Variants in CSMD3 observed in about 807,000 individuals in gnomAD.
CSMD3 encodes the protein CUB and sushi domain-containing protein 3.
CSMD3 carries 177 observed loss-of-function variants against 435.2 expected under a neutral mutation model. The observed-to-expected ratio is 0.41, with a 90% CI of 0.36 to 0.46. The LOEUF (loss-of-function observed/expected upper bound fraction) is 0.46. Among genes scored for constraint, CSMD3 ranks in the 20% least tolerant of loss-of-function variants. The pLI, the probability that CSMD3 is intolerant of heterozygous loss-of-function variation, is 0.34. For missense variants in CSMD3, 4,265 were observed against 4,504.6 expected (o/e 0.95, Z 1.52); for synonymous variants, 1,656 against 1,520.5 (o/e 1.09, Z -2.07).
At chr8:112,402,199 A>G (rs530780841) in intron 35 of CSMD3, among the ~76,000 whole-genome samples, 1 of 152,150 alleles carries the variant, frequency 6.6e-6, no homozygotes, top group Admixed American at 6.5e-5. Flanking sequence ...AGATTATGTA[A>G]ATTTTCCAGG....
At chr8:113,224,755 A>C (rs1159523169) in intron 3 of CSMD3, among the ~76,000 whole-genome samples, 2 of 151,070 alleles carry the variant, frequency 1.3e-5, no homozygotes, top group Non-Finnish European at 3.0e-5. Flanking sequence ...GAGGCAATAG[A>C]TGTGTCTTGT....
intron 1 of CSMD3, among the ~76,000 whole-genome samples, chr8:113,318,539 C>T (rs866657959): frequency 6.6e-6 from 1 of 152,090 alleles, no homozygotes; most frequent in African/African-American, 2.4e-5. Context: ...GTTCATCCTA[C>T]ATACCTGCTA....
At chr8:113,207,606 C>T (rs2132059956) in intron 3 of CSMD3, among the ~76,000 whole-genome samples, 1 of 152,182 alleles carries the variant, frequency 6.6e-6, no homozygotes. Context: ...TGGTCTCAAA[C>T]TCCTGACCTC....
chr8:113,325,474 G>A (rs1188418207), intron 1 of CSMD3, among the ~76,000 whole-genome samples: 1 of 152,004 alleles, frequency 6.6e-6, no homozygotes, highest in Non-Finnish European at 1.5e-5. Context: ...TCTCCTCCTT[G>A]CCTTCCACCA....
chr8:113,414,922 T>C (rs1259107845), intron 1 of CSMD3, among the ~76,000 whole-genome samples: 1 of 152,066 alleles, frequency 6.6e-6, no homozygotes, highest in African/African-American at 2.4e-5. Flanking sequence ...GCTGAGATTG[T>C]GCCACTGCGC....
intron 2 of CSMD3, among the ~76,000 whole-genome samples, chr8:113,302,201 T>C (rs938337055): frequency 1.4e-5 from 2 of 143,828 alleles, no homozygotes; most frequent in Admixed American, 7.5e-5. Flanking sequence ...TTTGAGATTT[T>C]ATTTTCTCAC....
chr8:113,082,350 C>G (rs1294458798), intron 5 of CSMD3, among the ~76,000 whole-genome samples: 1 of 152,160 alleles, frequency 6.6e-6, no homozygotes, highest in Non-Finnish European at 1.5e-5. Flanking sequence ...TGCATTCTAA[C>G]CTACTCAGGA....
chr8:112,743,565 T>A (rs1363193773), intron 13 of CSMD3, among the ~76,000 whole-genome samples: 1 of 151,868 alleles, frequency 6.6e-6, no homozygotes, highest in Non-Finnish European at 1.5e-5. Flanking sequence ...ATACAAAAAC[T>A]TAAAAAAATC....
At chr8:112,936,477 A>C (rs1158834665) in intron 9 of CSMD3, among the ~76,000 whole-genome samples, 1 of 152,126 alleles carries the variant, frequency 6.6e-6, no homozygotes, top group Non-Finnish European at 1.5e-5. Context: ...AAACAGACTA[A>C]TAATTCAAAT....
chr8:112,866,251 C>T (rs141635138), intron 10 of CSMD3, among the ~76,000 whole-genome samples: 2 of 152,184 alleles, frequency 1.3e-5, no homozygotes, highest in African/African-American at 4.8e-5. Context: ...CTTCATATTT[C>T]CACTTGAGCA....
intron 32 of CSMD3, among the ~76,000 whole-genome samples, chr8:112,414,979 A>G (rs546729768): frequency 3.9e-5 from 6 of 152,304 alleles, no homozygotes; most frequent in South Asian, 2.1e-4. Context: ...CAGAGCATAA[A>G]AGTTTGGAGA....
rs1442316248 is a variant in CSMD3, at chr8:113,436,755, G to A, written c.100C>T (p.Leu34=). The A allele has an allele frequency of 6.2e-7, 1 of 1,613,752 alleles. No individual in the cohort carries two copies. The highest frequency in any genetic ancestry group is 8.5e-7 in the Non-Finnish European group (1 of 1,179,770). ...CAKCGRLDFI[L]MKKMGIKSGF... is the part of the protein sequence containing the mutation. Reference sequence around the variant, plus strand: ...CTTTTAATCCCCATTTTCTTCATCAGGATGAAGTCTAGGCGGCCACATTTA... The same window carrying A: ...CTTTTAATCCCCATTTTCTTCATCAAGATGAAGTCTAGGCGGCCACATTTA... The change falls in exon 1 of 71, where the codon CTG becomes TTG. Residue 34 remains leucine, a synonymous_variant. Coordinates refer to ENST00000297405, the MANE Select transcript of CSMD3 (RefSeq NM_198123.2).
intron 7 of CSMD3, among the ~76,000 whole-genome samples, chr8:112,970,640 T>A (rs2130907734): frequency 6.6e-6 from 1 of 152,052 alleles, no homozygotes; most frequent in Non-Finnish European, 1.5e-5. Context: ...TCAGCCTAAA[T>A]ACCCACTCAA....
chr8:112,909,599 T>G (rs991107882), intron 10 of CSMD3, among the ~76,000 whole-genome samples: 9 of 151,848 alleles, frequency 5.9e-5, no homozygotes, highest in Non-Finnish European at 1.2e-4. Context: ...GTTATTTAAT[T>G]TTCTTCTCAA....
chr8:112,838,365 G>T (rs58884407), intron 11 of CSMD3, among the ~76,000 whole-genome samples: 1,999 of 151,742 alleles, frequency 0.013, 46 homozygotes, highest in African/African-American at 0.046. Flanking sequence ...AGCATATTAC[G>T]ATTTTGAACA....
At chr8:113,067,799 G>A (rs2088926618) in intron 5 of CSMD3, among the ~76,000 whole-genome samples, 1 of 152,054 alleles carries the variant, frequency 6.6e-6, no homozygotes, top group African/African-American at 2.4e-5. Flanking sequence ...AGTGGTTAAT[G>A]CATGGTGTGC....
At chr8:112,522,843 C>T (rs1824442736) in intron 27 of CSMD3, among the ~76,000 whole-genome samples, 1 of 151,754 alleles carries the variant, frequency 6.6e-6, no homozygotes, top group African/African-American at 2.4e-5. Context: ...TCTTTGCTTC[C>T]ATCTAGTTGG....
chr8:113,363,123 T>C (rs535374183), intron 1 of CSMD3, among the ~76,000 whole-genome samples: 66 of 152,194 alleles, frequency 4.3e-4, no homozygotes, highest in African/African-American at 4.3e-4. Context: ...TTAAGTTACA[T>C]TGACTCTCAT....
chr8:113,038,281 G>T (rs2087446845), intron 5 of CSMD3, among the ~76,000 whole-genome samples: 1 of 152,066 alleles, frequency 6.6e-6, no homozygotes, highest in Non-Finnish European at 1.5e-5. Flanking sequence ...CAGTCATAAA[G>T]ATAACATAAA....
Sources: allele counts gnomAD v4.1 joint callset (sites outside exome capture counted in the v4.1 genomes callset), GRCh38; gene constraint gnomAD v4.1.1; transcripts MANE v1.5; gene names NCBI Gene and HGNC (gene_info 2026-07-23, HGNC 2026-07-21).